Variants in BABAM2 observed in about 807,000 individuals in gnomAD.
The protein encoded by BABAM2 is BRISC and BRCA1 A complex member 2.
Under a neutral mutation model 54.7 loss-of-function variants are expected in BABAM2, and 31 were observed. The ratio of observed to expected loss-of-function variants is 0.57; its 90% CI spans 0.43 to 0.77. BABAM2 has a LOEUF of 0.77. Ranked by LOEUF, BABAM2 falls within the 30% of genes least tolerant of loss-of-function variation. BABAM2 has a pLI of 0.00. For synonymous variants in BABAM2, 167 were observed against 162.9 expected (o/e 1.03, Z -0.19); for missense variants, 364 against 455.8 (o/e 0.80, Z 1.83).
intron 2 of BABAM2, among the ~76,000 whole-genome samples, chr2:27,928,338 T>TG (rs1169600179): frequency 6.6e-6 from 1 of 151,570 alleles, no homozygotes; most frequent in Non-Finnish European, 1.5e-5. Flanking sequence ...TTAGTAAAGA[T>TG]GGGGTTTCAC....
At chr2:28,167,271 A>G (rs1473608463) in intron 7 of BABAM2, among the ~76,000 whole-genome samples, 1 of 152,256 alleles carries the variant, frequency 6.6e-6, no homozygotes, top group African/African-American at 2.4e-5. Flanking sequence ...TTGGTGACCA[A>G]TGAATAGTGA....
At chr2:28,060,079 A>T (rs1379391081) in intron 6 of BABAM2, among the ~76,000 whole-genome samples, 1 of 152,212 alleles carries the variant, frequency 6.6e-6, no homozygotes, top group Non-Finnish European at 1.5e-5. Context: ...CTGTCTCATA[A>T]ACACAGGTGC....
rs770175014 is a variant in BABAM2 at position 28,338,526 on chromosome 2, T to C, written c.*13T>C. 6.2e-7 allele frequency: 1 copy of C among 1,613,856 alleles called. No individual in the cohort carries two copies. The highest frequency in any genetic ancestry group is 8.5e-7 in the Non-Finnish European group (1 of 1,179,786). ...TGGAAAGCTCTAGGAAACACCAGTC[T>C]TGAGAGGTGGCCAGCCAGACTGCCT... On this transcript the variant is annotated 3_prime_UTR_variant, in exon 12 of 12. Coordinates refer to ENST00000379624, the MANE Select transcript of BABAM2 (RefSeq NM_199191.3).
intron 4 of BABAM2, among the ~76,000 whole-genome samples, chr2:27,999,544 C>A (rs1673424072): frequency 6.6e-6 from 1 of 152,220 alleles, no homozygotes; most frequent in Non-Finnish European, 1.5e-5. Context: ...AAGGATTATT[C>A]ATTGCCAGTC....
chr2:27,962,033 C>T (rs938384153), intron 3 of BABAM2, among the ~76,000 whole-genome samples: 3 of 152,068 alleles, frequency 2.0e-5, no homozygotes, highest in Non-Finnish European at 2.9e-5. Context: ...CCTGGCCCCC[C>T]TTAATTATAT....
At chr2:27,930,657 G>A (rs2148353037) in intron 3 of BABAM2, among the ~76,000 whole-genome samples, 1 of 152,334 alleles carries the variant, frequency 6.6e-6, no homozygotes, top group South Asian at 2.1e-4. Context: ...TCTGTGGGCT[G>A]GCTTGAGTTC....
intron 6 of BABAM2, among the ~76,000 whole-genome samples, chr2:28,099,296 G>T (rs1666871053): frequency 6.6e-6 from 1 of 152,136 alleles, no homozygotes; most frequent in Non-Finnish European, 1.5e-5. Context: ...ACAGAATTGA[G>T]TTTCTGTGCC....
At chr2:28,185,559 C>T in intron 7 of BABAM2, among the ~76,000 whole-genome samples, 1 of 152,176 alleles carries the variant, frequency 6.6e-6, no homozygotes, top group African/African-American at 2.4e-5. Flanking sequence ...GTTCCTTTCA[C>T]TGAGACTTTT....
At chr2:28,316,709 G>A (rs1348376950) in intron 11 of BABAM2, among the ~76,000 whole-genome samples, 1 of 152,212 alleles carries the variant, frequency 6.6e-6, no homozygotes, top group Non-Finnish European at 1.5e-5. Flanking sequence ...ATTGCTCACA[G>A]CGGGAACTTG....
chr2:27,985,304 T>A (rs1370034308), intron 3 of BABAM2, among the ~76,000 whole-genome samples: 2 of 152,190 alleles, frequency 1.3e-5, no homozygotes, highest in Non-Finnish European at 2.9e-5. Flanking sequence ...ATCTCCACAC[T>A]GTTTTCCATA....
chr2:28,141,930 A>G (rs1018329707), intron 7 of BABAM2, among the ~76,000 whole-genome samples: 1 of 152,176 alleles, frequency 6.6e-6, no homozygotes, highest in Non-Finnish European at 1.5e-5. Flanking sequence ...TGTCCACAGC[A>G]TGGTTTTAAA....
At chr2:28,048,744 G>C (rs1677791210) in intron 6 of BABAM2, among the ~76,000 whole-genome samples, 1 of 152,282 alleles carries the variant, frequency 6.6e-6, no homozygotes, top group African/African-American at 2.4e-5. Context: ...GTGGTCCCCA[G>C]CATAAAGAGG....
intron 7 of BABAM2, among the ~76,000 whole-genome samples, chr2:28,143,922 T>C (rs1246181193): frequency 6.6e-6 from 1 of 152,202 alleles, no homozygotes; most frequent in Non-Finnish European, 1.5e-5. Flanking sequence ...CAACAGCCTC[T>C]TTACCTTCTA....
At chr2:27,915,456 G>A (rs1666894740) in intron 2 of BABAM2, among the ~76,000 whole-genome samples, 1 of 152,280 alleles carries the variant, frequency 6.6e-6, no homozygotes, top group Middle Eastern at 3.4e-3. Context: ...CACTGAAGAC[G>A]AGAGAGATTA....
intron 4 of BABAM2, among the ~76,000 whole-genome samples, chr2:28,007,141 C>T (rs889737262): frequency 6.6e-6 from 1 of 151,690 alleles, no homozygotes; most frequent in Non-Finnish European, 1.5e-5. Context: ...TTGATTAATG[C>T]AGAGTTCCAA....
At chr2:27,906,430 T>G (rs1278836652) in intron 2 of BABAM2, among the ~76,000 whole-genome samples, 1 of 152,244 alleles carries the variant, frequency 6.6e-6, no homozygotes, top group Admixed American at 6.5e-5. Flanking sequence ...ATAATTTTAA[T>G]TAAACAGTTT....
At chr2:27,915,544 C>T (rs1353540845) in intron 2 of BABAM2, among the ~76,000 whole-genome samples, 1 of 152,154 alleles carries the variant, frequency 6.6e-6, no homozygotes, top group Non-Finnish European at 1.5e-5. Flanking sequence ...GAAATCCTTT[C>T]AAACTACCTA....
chr2:28,034,076 A>G (rs1676487564), intron 5 of BABAM2, among the ~76,000 whole-genome samples: 1 of 152,166 alleles, frequency 6.6e-6, no homozygotes, highest in Non-Finnish European at 1.5e-5. Context: ...GAAAGGAGCC[A>G]TTTTATGGTA....
intron 7 of BABAM2, among the ~76,000 whole-genome samples, chr2:28,186,017 A>G (rs1376070306): frequency 1.3e-5 from 2 of 152,178 alleles, no homozygotes; most frequent in South Asian, 2.1e-4. Context: ...CCAAAGTAGG[A>G]CTTAGTGTGG....
Sources: gnomAD v4.1 joint callset for allele counts (sites outside exome capture counted in the v4.1 genomes callset) on GRCh38, gnomAD v4.1.1 for gene constraint, MANE v1.5 for transcripts, NCBI Gene and HGNC (gene_info 2026-07-23, HGNC 2026-07-21) for gene names.